The following ROBO2 variants were observed in gnomAD, a reference collection of about 807,000 sequenced individuals.
ROBO2 encodes roundabout guidance receptor 2.
Under a neutral mutation model 160.8 loss-of-function variants are expected in ROBO2, and 53 were observed. The ratio of observed to expected loss-of-function variants is 0.33; its 90% CI spans 0.26 to 0.41. The LOEUF (loss-of-function observed/expected upper bound fraction) is 0.41. Ranked by LOEUF, ROBO2 falls within the 10% of genes least tolerant of loss-of-function variation. The pLI is 1.00. For missense variants in ROBO2, 1,577 were observed against 1,722.4 expected (o/e 0.92, Z 1.49); for synonymous variants, 664 against 611.7 (o/e 1.09, Z -1.26).
intron 2 of ROBO2, among the ~76,000 whole-genome samples, chr3:76,561,383 A>C (rs1443124911): frequency 6.6e-6 from 1 of 152,150 alleles, no homozygotes; most frequent in Non-Finnish European, 1.5e-5. Flanking sequence ...TTAAATTGTT[A>C]TCATCTCAAG....
At chr3:76,008,951 G>C (rs1199224384) in intron 2 of ROBO2, among the ~76,000 whole-genome samples, 1 of 152,144 alleles carries the variant, frequency 6.6e-6, no homozygotes, top group Non-Finnish European at 1.5e-5. Context: ...TGATTGAACA[G>C]AGGGAGTATG....
intron 2 of ROBO2, among the ~76,000 whole-genome samples, chr3:76,547,799 T>C (rs1406707779): frequency 2.0e-5 from 3 of 152,150 alleles, no homozygotes; most frequent in Non-Finnish European, 1.5e-5. Flanking sequence ...GTTACTCATC[T>C]GACTGCCACA....
chr3:77,481,548 G>T (rs529543675), intron 4 of ROBO2, among the ~76,000 whole-genome samples: 1 of 152,174 alleles, frequency 6.6e-6, no homozygotes, highest in African/African-American at 2.4e-5. Context: ...GCATTTATCA[G>T]GTAGCTATTA....
chr3:76,629,537 T>C (rs2089895387), intron 2 of ROBO2, among the ~76,000 whole-genome samples: 2 of 152,126 alleles, frequency 1.3e-5, no homozygotes, highest in Admixed American at 6.5e-5. Context: ...ACCCGTCTAG[T>C]CTTTCCATGT....
chr3:76,976,332 T>A (rs570397939), intron 2 of ROBO2, among the ~76,000 whole-genome samples: 1 of 152,206 alleles, frequency 6.6e-6, no homozygotes, highest in Non-Finnish European at 1.5e-5. Flanking sequence ...GAAATAACCT[T>A]TTCAGACTGA....
intron 2 of ROBO2, among the ~76,000 whole-genome samples, chr3:76,155,219 G>C (rs750638272): frequency 2.6e-5 from 4 of 152,018 alleles, no homozygotes; most frequent in Non-Finnish European, 5.9e-5. Context: ...TGATGGCTTC[G>C]ATATCACTAA....
intron 2 of ROBO2, among the ~76,000 whole-genome samples, chr3:76,902,211 A>G (rs1360972196): frequency 2.0e-5 from 3 of 151,988 alleles, no homozygotes; most frequent in East Asian, 1.9e-4. Flanking sequence ...TTTTACTTCA[A>G]TACTCATAAT....
chr3:77,142,129 T>C (rs1034125359), intron 2 of ROBO2, among the ~76,000 whole-genome samples: 1 of 152,178 alleles, frequency 6.6e-6, no homozygotes, highest in Non-Finnish European at 1.5e-5. Context: ...TTTCTCATAT[T>C]TGTATGAAAA....
chr3:76,632,262 G>GT (rs767019865), intron 2 of ROBO2, among the ~76,000 whole-genome samples: 1 of 152,204 alleles, frequency 6.6e-6, no homozygotes, highest in Non-Finnish European at 1.5e-5. Context: ...CTACCCATAA[G>GT]TTTTCACTGA....
intron 1 of ROBO2, among the ~76,000 whole-genome samples, chr3:77,058,906 G>A (rs758931805): frequency 6.6e-6 from 1 of 152,002 alleles, no homozygotes; most frequent in African/African-American, 2.4e-5. Flanking sequence ...TAATTAGTTA[G>A]CACACAATCA....
chr3:76,163,639 C>A (rs1014657732), intron 2 of ROBO2, among the ~76,000 whole-genome samples: 2 of 150,974 alleles, frequency 1.3e-5, no homozygotes, highest in Non-Finnish European at 1.5e-5. Flanking sequence ...TGCAATAAAG[C>A]GAATCACAAG....
Position 76,983,299 on chromosome 3 carries a change from A to T in ROBO2, c.110-114715A>T, listed in dbSNP as rs376006662. On this transcript the variant is annotated intron_variant, in intron 2 of 26. Coordinates refer to the ROBO2 transcript ENST00000487694. ...GAGACTCCGTCTCAAAAAAAAAATT[A>T]TAAAGTGTACATATTTAATATTTAG... Among the ~76,000 whole-genome samples the T allele has an allele frequency of 7.2e-5, 11 of 152,304 alleles. No homozygotes were observed. In the East Asian group the frequency reaches 1.5e-3, roughly 21 times the overall value.
chr3:77,451,111 C>G (rs1221322188), intron 2 of ROBO2, among the ~76,000 whole-genome samples: 1 of 152,058 alleles, frequency 6.6e-6, no homozygotes, highest in Non-Finnish European at 1.5e-5. Context: ...CAAAGGGAAT[C>G]AGAACATACG....
intron 2 of ROBO2, among the ~76,000 whole-genome samples, chr3:75,987,295 T>C (rs1180478289): frequency 6.6e-6 from 1 of 152,046 alleles, no homozygotes; most frequent in Non-Finnish European, 1.5e-5. Context: ...TTCATTCTTT[T>C]TGATGCTATA....
chr3:76,712,495 T>G (rs2107617810), intron 2 of ROBO2, among the ~76,000 whole-genome samples: 1 of 152,060 alleles, frequency 6.6e-6, no homozygotes, highest in African/African-American at 2.4e-5. Flanking sequence ...GCCAACATGG[T>G]GAAACCTCAT....
chr3:77,024,979 T>C (rs1191303473), intron 2 of ROBO2, among the ~76,000 whole-genome samples: 2 of 151,934 alleles, frequency 1.3e-5, no homozygotes, highest in Non-Finnish European at 2.9e-5. Context: ...TTTGTTTGTT[T>C]TTTGTTTTAA....
intron 2 of ROBO2, among the ~76,000 whole-genome samples, chr3:76,088,319 C>A (rs2069098584): frequency 6.6e-6 from 1 of 151,990 alleles, no homozygotes; most frequent in African/African-American, 2.4e-5. Flanking sequence ...GCAAATCCAA[C>A]AGGCAGAAAA....
intron 2 of ROBO2, among the ~76,000 whole-genome samples, chr3:76,410,755 A>T (rs921466381): frequency 2.6e-5 from 4 of 152,186 alleles, no homozygotes. Flanking sequence ...ATGAGAATAT[A>T]CATGTCTTTA....
chr3:76,693,379 A>G (rs1361691555), intron 2 of ROBO2, among the ~76,000 whole-genome samples: 1 of 151,134 alleles, frequency 6.6e-6, no homozygotes, highest in South Asian at 2.1e-4. Flanking sequence ...TGTAGCATAT[A>G]TCCCTATATA....
Sources: gnomAD v4.1 joint callset for allele counts (sites outside exome capture counted in the v4.1 genomes callset) on GRCh38, gnomAD v4.1.1 for gene constraint, MANE v1.5 for transcripts, NCBI Gene and HGNC (gene_info 2026-07-23, HGNC 2026-07-21) for gene names.